The following ULK4 variants were observed in gnomAD, a reference collection of about 807,000 sequenced individuals.
The protein encoded by ULK4 is inactive serine/threonine-protein kinase ULK4.
ULK4 carries 133 observed loss-of-function variants against 160.6 expected under a neutral mutation model. The ratio of observed to expected loss-of-function variants is 0.83; its 90% CI spans 0.72 to 0.96. ULK4 has a LOEUF of 0.96. ULK4 is among the 40% of genes least tolerant of loss of function. The pLI is 0.00. For synonymous variants in ULK4, 534 were observed against 539.8 expected (o/e 0.99, Z 0.15); for missense variants, 1,580 against 1,499.5 (o/e 1.05, Z -0.89).
chr3:41,346,731 AAT>A (rs2080807907), intron 35 of ULK4, among the ~76,000 whole-genome samples: 1 of 152,252 alleles, frequency 6.6e-6, no homozygotes, highest in African/African-American at 2.4e-5. Context: ...TGCTGTGGAA[AAT>A]AAGTCTGAAG....
At chr3:41,393,406 T>C (rs2081995647) in intron 35 of ULK4, among the ~76,000 whole-genome samples, 1 of 152,182 alleles carries the variant, frequency 6.6e-6, no homozygotes. Context: ...CCATGTCTTA[T>C]GTCTTCCCAA....
At chr3:41,953,959 G>A (rs1311258173) in intron 2 of ULK4, among the ~76,000 whole-genome samples, 2 of 151,922 alleles carry the variant, frequency 1.3e-5, no homozygotes, top group East Asian at 1.9e-4. Flanking sequence ...CAAGGTGGGC[G>A]GATCACAAGG....
chr3:41,933,365 A>G (rs1281600945), intron 4 of ULK4, among the ~76,000 whole-genome samples: 1 of 152,200 alleles, frequency 6.6e-6, no homozygotes, highest in Non-Finnish European at 1.5e-5. Flanking sequence ...TACGAGCCAT[A>G]CAGTCTTTTG....
At chr3:41,856,562 C>CACATATATATATATGTGTATATATAT (rs1559611076) in intron 17 of ULK4, among the ~76,000 whole-genome samples, 1 of 32,540 alleles carries the variant, frequency 3.1e-5, no homozygotes, top group Non-Finnish European at 5.2e-5. Flanking sequence ...TATATATATA[C>CACATATATATATATGTGTATATATAT]ACATATATAT....
intron 18 of ULK4, among the ~76,000 whole-genome samples, chr3:41,823,579 A>T (rs1200484238): frequency 6.6e-6 from 1 of 152,180 alleles, no homozygotes; most frequent in Non-Finnish European, 1.5e-5. Flanking sequence ...TGTAAGCCTG[A>T]AACCTTAGGG....
chr3:41,544,446 A>G (rs2086793317), intron 32 of ULK4, among the ~76,000 whole-genome samples: 1 of 152,212 alleles, frequency 6.6e-6, no homozygotes, highest in Non-Finnish European at 1.5e-5. Context: ...ATCAGCCAGA[A>G]GAGAGACTGG....
At chr3:41,373,656 T>A (rs187562109) in intron 35 of ULK4, among the ~76,000 whole-genome samples, 106 of 152,292 alleles carry the variant, frequency 7.0e-4, no homozygotes, top group African/African-American at 2.5e-3. Flanking sequence ...GGGAAATTAA[T>A]AGCAATAAAT....
At chr3:41,431,556 T>TTTTTTTTTTTTTTTTTTTTTTTG in intron 34 of ULK4, among the ~76,000 whole-genome samples, 1 of 137,070 alleles carries the variant, frequency 7.3e-6, no homozygotes, top group African/African-American at 2.8e-5. Flanking sequence ...CCTTTTTTTT[T>TTTTTTTTTTTTTTTTTTTTTTTG]TTTTTTGATG....
intron 30 of ULK4, among the ~76,000 whole-genome samples, chr3:41,643,324 G>A (rs994758439): frequency 6.6e-6 from 1 of 152,080 alleles, no homozygotes; most frequent in Admixed American, 6.6e-5. Flanking sequence ...TATGGTTTTA[G>A]GTGTAACGTT....
intron 30 of ULK4, among the ~76,000 whole-genome samples, chr3:41,638,792 A>G (rs2034062893): frequency 6.6e-6 from 1 of 152,244 alleles, no homozygotes; most frequent in African/African-American, 2.4e-5. Flanking sequence ...ATGAATTAAG[A>G]GTCCATGTTT....
intron 32 of ULK4, among the ~76,000 whole-genome samples, chr3:41,484,359 T>C (rs1462700351): frequency 1.3e-5 from 2 of 152,152 alleles, no homozygotes; most frequent in African/African-American, 2.4e-5. Flanking sequence ...CTATACTGTT[T>C]AAATTGTAAC....
At chr3:41,773,014 T>A (rs2039456123) in intron 21 of ULK4, among the ~76,000 whole-genome samples, 1 of 152,130 alleles carries the variant, frequency 6.6e-6, no homozygotes, top group Admixed American at 6.5e-5. Context: ...TTGACAAAAT[T>A]CAACAATCCT....
At position 41,515,706 on chromosome 3, in the gene ULK4, T is replaced by A. The variant is rs574376362; in HGVS notation, c.3226+50319A>T. Among the ~76,000 whole-genome samples the A allele has an allele frequency of 3.3e-5, 5 of 152,320 alleles. 1 individual carries two copies. The South Asian group carries it at 1.0e-3, about 32-fold the overall frequency. The stretch of plus-strand genomic sequence containing the variant: ...CAGATCTCATGAGACGCACTCATTA[T>A]GAGGAGAACAGAAGGAGGGAAAGTG... On this transcript the variant is annotated intron_variant, in intron 32 of 36. Coordinates refer to ENST00000301831, the MANE Select transcript of ULK4 (RefSeq NM_017886.4).
intron 17 of ULK4, among the ~76,000 whole-genome samples, chr3:41,840,752 G>A (rs2041892331): frequency 6.6e-6 from 1 of 152,192 alleles, no homozygotes; most frequent in South Asian, 2.1e-4. Context: ...CGCCTGCCTT[G>A]GCCTCCCAAA....
chr3:41,808,112 AC>A (rs1439130503), intron 19 of ULK4, among the ~76,000 whole-genome samples: 3 of 152,226 alleles, frequency 2.0e-5, no homozygotes, highest in African/African-American at 7.2e-5. Flanking sequence ...GTTCAATATG[AC>A]GAAACCTATT....
chr3:41,849,367 C>G (rs926963795), intron 17 of ULK4, among the ~76,000 whole-genome samples: 2 of 152,084 alleles, frequency 1.3e-5, no homozygotes, highest in Non-Finnish European at 2.9e-5. Flanking sequence ...AATCTGACAC[C>G]AGGGTTGCAA....
At position 41,506,771 on chromosome 3, in the gene ULK4, T is replaced by TATATATATAA. The variant is rs1559658120; in HGVS notation, c.3227-43519_3227-43518insTTATATATAT. 3.3e-3 allele frequency among the ~76,000 whole-genome samples: 86 copies of TATATATATAA among 26,334 alleles called. 8 individuals carry two copies. The highest frequency in any genetic ancestry group is 4.4e-3 in the Admixed American group (7 of 1,598). The allele number at this position is 26,334 out of a possible 152,430, so 17.3% of individuals were successfully genotyped here. ...ATACACTGGAGTGTGATTTAAAATA[T>TATATATATAA]ATATATATATATATATATATATATA... is the stretch of plus-strand genomic sequence containing the variant. On this transcript the variant is annotated intron_variant, in intron 32 of 36. Coordinates refer to ENST00000301831, the MANE Select transcript of ULK4 (RefSeq NM_017886.4).
intron 2 of ULK4, 140 bp downstream of exon 2, chr3:41,954,482 G>T: frequency 2.3e-6 from 2 of 870,012 alleles, no homozygotes; most frequent in Non-Finnish European, 1.8e-6. Context: ...TGGTGGCACT[G>T]AACAGATGAA....
intron 22 of ULK4, among the ~76,000 whole-genome samples, chr3:41,719,766 A>G (rs1283483531): frequency 6.6e-6 from 1 of 152,094 alleles, no homozygotes; most frequent in East Asian, 1.9e-4. Context: ...CATCTAAACT[A>G]ATCTTGTCCA....
Sources: gnomAD v4.1 joint callset for allele counts (sites outside exome capture counted in the v4.1 genomes callset) on GRCh38, gnomAD v4.1.1 for gene constraint, MANE v1.5 for transcripts, NCBI Gene and HGNC (gene_info 2026-07-23, HGNC 2026-07-21) for gene names.